The following SORCS3 variants were observed in gnomAD, a reference collection of about 807,000 sequenced individuals.
The protein encoded by SORCS3 is sortilin related VPS10 domain containing receptor 3.
A neutral mutation model predicts 146.3 loss-of-function variants in SORCS3; 57 were observed. The observed-to-expected ratio is 0.39, with a 90% confidence interval of 0.31 to 0.49. The LOEUF (loss-of-function observed/expected upper bound fraction) is 0.49. SORCS3 is among the 20% of genes least tolerant of loss of function. SORCS3 has a pLI of 0.92. For missense variants in SORCS3, 1,341 were observed against 1,575.5 expected (o/e 0.85, Z 2.52); for synonymous variants, 653 against 618.5 (o/e 1.06, Z -0.83).
At chr10:104,978,323 T>C (rs183332250) in intron 4 of SORCS3, among the ~76,000 whole-genome samples, 1 of 152,276 alleles carries the variant, frequency 6.6e-6, no homozygotes, top group African/African-American at 2.4e-5. Context: ...ACAAAGTCCA[T>C]TTTGTTATTT....
intron 14 of SORCS3, among the ~76,000 whole-genome samples, chr10:105,193,136 A>G (rs566661055): frequency 1.3e-5 from 2 of 152,210 alleles, no homozygotes; most frequent in East Asian, 3.9e-4. Context: ...AGGCTTACTC[A>G]GGCCTGAATG....
chr10:104,831,883 A>T (rs1377549880), intron 1 of SORCS3, among the ~76,000 whole-genome samples: 1 of 152,180 alleles, frequency 6.6e-6, no homozygotes, highest in Non-Finnish European at 1.5e-5. Context: ...GGAATCCTGC[A>T]TTCTCACTCA....
chr10:104,837,975 G>A (rs924426648), intron 1 of SORCS3, among the ~76,000 whole-genome samples: 7 of 152,136 alleles, frequency 4.6e-5, no homozygotes, highest in Non-Finnish European at 2.9e-5. Context: ...TGCTGTGGGG[G>A]CAATTTGCTT....
At chr10:104,901,278 A>G (rs147031151) in intron 2 of SORCS3, among the ~76,000 whole-genome samples, 2,360 of 152,312 alleles carry the variant, frequency 0.015, 20 homozygotes, top group Non-Finnish European at 0.023. Context: ...CCCATTTTAT[A>G]GATGAGAAAA....
chr10:104,914,073 C>T (rs1006176526), intron 2 of SORCS3, among the ~76,000 whole-genome samples: 2 of 152,134 alleles, frequency 1.3e-5, no homozygotes, highest in Non-Finnish European at 2.9e-5. Flanking sequence ...CCGGAATCTT[C>T]ATCCCTCAGA....
At chr10:104,940,234 ATATATTTTTTTTTT>A (rs1367101889) in intron 3 of SORCS3, among the ~76,000 whole-genome samples, 6 of 24,248 alleles carry the variant, frequency 2.5e-4, no homozygotes, top group African/African-American at 1.1e-3. Context: ...ATATATATAT[ATATATTTTTTTTTT>A]TTTTTTTATT....
At chr10:104,784,960 G>C (rs553184938) in intron 1 of SORCS3, among the ~76,000 whole-genome samples, 1 of 152,130 alleles carries the variant, frequency 6.6e-6, no homozygotes, top group Non-Finnish European at 1.5e-5. Context: ...TGAGCTGTTG[G>C]GCACACCTCC....
At chr10:105,066,322 C>T (rs1047702196) in intron 5 of SORCS3, among the ~76,000 whole-genome samples, 2 of 152,122 alleles carry the variant, frequency 1.3e-5, no homozygotes, top group Non-Finnish European at 2.9e-5. Flanking sequence ...TATTCTAGAC[C>T]TGTGATCTTA....
intron 1 of SORCS3, among the ~76,000 whole-genome samples, chr10:104,818,808 A>C (rs879609830): frequency 2.0e-5 from 3 of 151,868 alleles, no homozygotes; most frequent in Admixed American, 2.0e-4. Context: ...GTGAACTTGA[A>C]CCATGCCTGC....
intron 12 of SORCS3, among the ~76,000 whole-genome samples, chr10:105,166,660 C>A (rs11192345): frequency 6.6e-6 from 1 of 151,946 alleles, no homozygotes; most frequent in South Asian, 2.1e-4. Flanking sequence ...GAATGAATAA[C>A]GTTAGGTCCC....
At chr10:104,722,713 G>T (rs187901134) in intron 1 of SORCS3, among the ~76,000 whole-genome samples, 1,893 of 152,302 alleles carry the variant, frequency 0.012, 32 homozygotes, top group African/African-American at 0.038. Flanking sequence ...TTGGGAGGGT[G>T]TATGTGTCGA....
chr10:104,743,366 C>T, intron 1 of SORCS3, among the ~76,000 whole-genome samples: 1 of 152,332 alleles, frequency 6.6e-6, no homozygotes, highest in Middle Eastern at 3.4e-3. Flanking sequence ...AAGCTGCTAA[C>T]AATCATTCAG....
chr10:105,026,513 G>T (rs940809405), intron 4 of SORCS3, among the ~76,000 whole-genome samples: 3 of 152,160 alleles, frequency 2.0e-5, no homozygotes, highest in Non-Finnish European at 2.9e-5. Context: ...TCTACCAAAA[G>T]GACACATGCA....
At chr10:104,892,901 T>C (rs1180058375) in intron 2 of SORCS3, among the ~76,000 whole-genome samples, 1 of 152,140 alleles carries the variant, frequency 6.6e-6, no homozygotes, top group African/African-American at 2.4e-5. Flanking sequence ...TGCCTTTCTG[T>C]AATTCCTTAA....
At chr10:104,891,938 G>A (rs1044265652) in intron 2 of SORCS3, among the ~76,000 whole-genome samples, 6 of 152,166 alleles carry the variant, frequency 3.9e-5, no homozygotes, top group African/African-American at 1.2e-4. Context: ...AAATCACAAA[G>A]AGAATGAACT....
intron 1 of SORCS3, among the ~76,000 whole-genome samples, chr10:104,684,822 T>G (rs2016025749): frequency 3.7e-5 from 2 of 53,662 alleles, no homozygotes; most frequent in Non-Finnish European, 3.5e-5. Context: ...TTTTTTTTTT[T>G]TTTTTTTTTT....
chr10:104,644,103 C>T (rs548978468), intron 1 of SORCS3, among the ~76,000 whole-genome samples: 61 of 152,278 alleles, frequency 4.0e-4, no homozygotes, highest in African/African-American at 1.0e-3. Flanking sequence ...AGTCAAATGA[C>T]GGCCAAAGGG....
intron 2 of SORCS3, among the ~76,000 whole-genome samples, chr10:104,847,517 A>G (rs1459879596): frequency 6.6e-6 from 1 of 152,162 alleles, no homozygotes; most frequent in African/African-American, 2.4e-5. Flanking sequence ...TTCAGAACAA[A>G]ATATACATGG....
rs147440839 is a variant in SORCS3 at position 104,744,878 on chromosome 10, G to T, written c.628-97914G>T. On this transcript the variant is annotated intron_variant, in intron 1 of 26. Transcript: ENST00000369701. ...CTAAGATATGAGTGGTGTATTAAAAGTGAAGACACGTTGTTTGCTTCACGG... is the reference window on the plus strand; with the variant it reads ...CTAAGATATGAGTGGTGTATTAAAATTGAAGACACGTTGTTTGCTTCACGG... Among the ~76,000 whole-genome samples, 184 of 152,342 alleles carry T rather than the reference G, an allele frequency of 1.2e-3. 1 individual carries two copies. Among genetic ancestry groups the T allele is most frequent in the African/African-American group, 4.2e-3 (174 of 41,586 alleles).
Sources: allele counts gnomAD v4.1 joint callset (sites outside exome capture counted in the v4.1 genomes callset), GRCh38; gene constraint gnomAD v4.1.1; transcripts MANE v1.5; gene names NCBI Gene and HGNC (gene_info 2026-07-23, HGNC 2026-07-21).